CACNA1D: variants seen among roughly 807,000 people sequenced by gnomAD.
CACNA1D encodes voltage-dependent L-type calcium channel subunit alpha-1D.
Under a neutral mutation model 257.1 loss-of-function variants are expected in CACNA1D, and 55 were observed. The observed-to-expected ratio is 0.21, with a 90% confidence interval of 0.17 to 0.27. The LOEUF (loss-of-function observed/expected upper bound fraction) is 0.27. CACNA1D is among the 10% of genes least tolerant of loss of function. The probability of loss-of-function intolerance (pLI) is 1.00; values close to 1 mark genes in which losing one functional copy is unlikely to be tolerated. For synonymous variants in CACNA1D, 980 were observed against 1,014.9 expected (o/e 0.97, Z 0.65); for missense variants, 1,876 against 2,784.0 (o/e 0.67, Z 7.34).
At chr3:53,747,192 GACT>G in intron 25 of CACNA1D, 107 bp from the exon 26 acceptor site, 15 of 801,594 alleles carry the variant, frequency 1.9e-5, no homozygotes, top group Admixed American at 7.9e-5. Flanking sequence ...CAGGCGGGCG[GACT>G]GAGTGTGACC....
intron 8 of CACNA1D, chr3:53,674,123 C>G: frequency 2.0e-6 from 1 of 492,286 alleles, no homozygotes; most frequent in South Asian, 2.1e-5. Flanking sequence ...TGGTCTCCCC[C>G]AGGAAAGAGG....
chr3:53,692,600 G>C (rs1337510639), intron 8 of CACNA1D, among the ~76,000 whole-genome samples: 3 of 152,232 alleles, frequency 2.0e-5, no homozygotes, highest in African/African-American at 7.2e-5. Flanking sequence ...GTTAGGTTTG[G>C]TCTGTGCAGG....
intron 3 of CACNA1D, among the ~76,000 whole-genome samples, chr3:53,566,111 G>T (rs767063933): frequency 6.6e-6 from 1 of 152,186 alleles, no homozygotes; most frequent in Non-Finnish European, 1.5e-5. Context: ...TATAAATGCC[G>T]TGTCTGAGAA....
At chr3:53,791,026 C>G (rs941841278) in intron 40 of CACNA1D, 1 of 702,282 alleles carries the variant, frequency 1.4e-6, no homozygotes, top group Non-Finnish European at 2.6e-6. Flanking sequence ...GCTACGGCAC[C>G]AAGCTGGTTA....
At chr3:53,583,506 G>A (rs1479430272) in intron 3 of CACNA1D, among the ~76,000 whole-genome samples, 1 of 152,188 alleles carries the variant, frequency 6.6e-6, no homozygotes, top group Non-Finnish European at 1.5e-5. Context: ...ATGTTCCAAG[G>A]TGGGCATGCT....
chr3:53,641,670 G>C (rs2093952450), intron 3 of CACNA1D, among the ~76,000 whole-genome samples: 1 of 152,178 alleles, frequency 6.6e-6, no homozygotes, highest in Admixed American at 6.5e-5. Flanking sequence ...GGGATGGGAA[G>C]GAAGGCAAGT....
chr3:53,609,409 C>CAAA (rs33943272), intron 3 of CACNA1D, among the ~76,000 whole-genome samples: 14 of 79,632 alleles, frequency 1.8e-4, no homozygotes, highest in Non-Finnish European at 2.6e-4. Context: ...GACTCTACCT[C>CAAA]AAAAAAAAAA....
At position 53,634,812 on chromosome 3, in the gene CACNA1D, A is replaced by G. The variant is rs188904024; in HGVS notation, c.484-15967A>G. Among the ~76,000 whole-genome samples the G allele has an allele frequency of 1.1e-4, 17 of 152,202 alleles. No individual in the cohort carries two copies. In the East Asian group the frequency reaches 2.9e-3, roughly 26 times the overall value. ...AGAGGATGAGGAGACCGTTGCTTGG[A>G]GACTTTCAGTGCCTTGCCTAGGGCC... On this transcript the variant is annotated intron_variant, in intron 3 of 47. Transcript: ENST00000350061.
At chr3:53,695,035 G>T (rs963095541) in intron 8 of CACNA1D, among the ~76,000 whole-genome samples, 1 of 152,180 alleles carries the variant, frequency 6.6e-6, no homozygotes, top group Non-Finnish European at 1.5e-5. Flanking sequence ...CATTTCTCGT[G>T]AACTCACTCA....
chr3:53,691,770 ATATAT>A (rs1346542682), intron 8 of CACNA1D, among the ~76,000 whole-genome samples: 15 of 116,914 alleles, frequency 1.3e-4, no homozygotes, highest in South Asian at 2.3e-4. Context: ...CATATAATAT[ATATAT>A]TATATCTATA....
rs1302432694 is a variant in CACNA1D at position 53,738,818 on chromosome 3, A to G, written c.2752-1462A>G. On this transcript the variant is annotated intron_variant, in intron 20 of 47. Coordinates refer to ENST00000350061, the MANE Select transcript of CACNA1D (RefSeq NM_001128840.3). The stretch of plus-strand genomic sequence containing the variant: ...AGGGAAAAAAACAGCTTAAATTTCA[A>G]CTTCAGCCCTGGCGCCAGGTTGCCT... 2.0e-5 allele frequency among the ~76,000 whole-genome samples: 3 copies of G among 151,866 alleles called. No individual in the cohort carries two copies. The East Asian group carries it at 5.8e-4, about 29-fold the overall frequency.
chr3:53,650,376 C>T lies in CACNA1D; in HGVS notation c.484-403C>T, dbSNP rs527854329. Among the ~76,000 whole-genome samples, 15 of 152,346 alleles carry T rather than the reference C, an allele frequency of 9.8e-5. 1 individual carries two copies. In the Middle Eastern group the frequency reaches 0.01, roughly 104 times the overall value. ...AGGATGAATTTCTTCTGTTCAAAGACACCATTGGAATCTTTGTTGTACCCT... is the reference window on the plus strand; with the variant it reads ...AGGATGAATTTCTTCTGTTCAAAGATACCATTGGAATCTTTGTTGTACCCT... On this transcript the variant is annotated intron_variant, in intron 3 of 47. Coordinates refer to ENST00000350061, the MANE Select transcript of CACNA1D (RefSeq NM_001128840.3).
intron 3 of CACNA1D, among the ~76,000 whole-genome samples, chr3:53,523,389 A>T (rs2091650033): frequency 6.6e-6 from 1 of 152,204 alleles, no homozygotes; most frequent in African/African-American, 2.4e-5. Context: ...CATCTTAGTG[A>T]TGGGAGATAC....
At chr3:53,766,280 G>A (rs1302523414) in intron 30 of CACNA1D, 2 of 152,228 alleles carry the variant, frequency 1.3e-5, no homozygotes, top group African/African-American at 4.8e-5. Context: ...CATTTCATAT[G>A]TGAACCCTTT....
chr3:53,589,749 A>G (rs1357212891), intron 3 of CACNA1D, among the ~76,000 whole-genome samples: 1 of 152,124 alleles, frequency 6.6e-6, no homozygotes, highest in Non-Finnish European at 1.5e-5. Context: ...CACTGGGATT[A>G]CAGGCATGTG....
Position 53,527,219 on chromosome 3 carries a change from G to T in CACNA1D, c.483+25499G>T, listed in dbSNP as rs77747253. On this transcript the variant is annotated intron_variant, in intron 3 of 47. Transcript: ENST00000350061. ...TTACCCAAGGGCATAGTGGCTGGAA[G>T]GTTGCAGGGCAAGGCCTATTGCCAG... Among the ~76,000 whole-genome samples, 944 of 152,326 alleles carry T rather than the reference G, an allele frequency of 6.2e-3. 12 individuals carry two copies. Among genetic ancestry groups the T allele is most frequent in the African/African-American group, 0.022 (906 of 41,560 alleles).
intron 3 of CACNA1D, among the ~76,000 whole-genome samples, chr3:53,564,705 T>C (rs1379466781): frequency 6.6e-6 from 1 of 152,188 alleles, no homozygotes; most frequent in Non-Finnish European, 1.5e-5. Context: ...ACCTTATAAA[T>C]ATCCATTAAT....
At chr3:53,728,727 C>G (rs1438056338) in intron 15 of CACNA1D, among the ~76,000 whole-genome samples, 1 of 152,132 alleles carries the variant, frequency 6.6e-6, no homozygotes, top group Non-Finnish European at 1.5e-5. Flanking sequence ...ATCAGAGGTG[C>G]TTAGGGAGCT....
chr3:53,691,798 CAT>C (rs1235558590), intron 8 of CACNA1D, among the ~76,000 whole-genome samples: 9 of 59,208 alleles, frequency 1.5e-4, no homozygotes, highest in South Asian at 1.2e-3. Context: ...ATATATATTA[CAT>C]ATATAATATA....
Sources: gnomAD v4.1 joint callset for allele counts (sites outside exome capture counted in the v4.1 genomes callset) on GRCh38, gnomAD v4.1.1 for gene constraint, MANE v1.5 for transcripts, NCBI Gene and HGNC (gene_info 2026-07-23, HGNC 2026-07-21) for gene names.